The following RBPMS variants were observed in gnomAD, a reference collection of about 807,000 sequenced individuals.
RBPMS encodes RNA binding protein, mRNA processing factor, also known as RNA-binding protein with multiple splicing.
A neutral mutation model predicts 26.8 loss-of-function variants in RBPMS; 7 were observed. The ratio of observed to expected loss-of-function variants is 0.26; its 90% CI spans 0.15 to 0.49. The LOEUF is 0.49. Among genes scored for constraint, RBPMS ranks in the 20% least tolerant of loss-of-function variants. The probability of loss-of-function intolerance (pLI) is 0.98; values close to 1 mark genes in which losing one functional copy is unlikely to be tolerated. For missense variants in RBPMS, 186 were observed against 250.0 expected, an observed-to-expected ratio of 0.74 and a Z score of 1.73; for synonymous variants, 96 against 93.3, an observed-to-expected ratio of 1.03 and a Z score of -0.17.
chr8:30,437,068 G>A (rs1445883191), intron 1 of RBPMS, among the ~76,000 whole-genome samples: 2 of 151,330 alleles, frequency 1.3e-5, no homozygotes, highest in East Asian at 2.0e-4. Context: ...GACTATAGGC[G>A]CCCGCCACCA....
intron 6 of RBPMS, chr8:30,558,677 G>C (rs1262698615): frequency 4.8e-6 from 3 of 626,042 alleles, no homozygotes; most frequent in Non-Finnish European, 8.8e-6. Context: ...TCCTCAGAGA[G>C]CTTGCCTGTG....
chr8:30,434,920 T>C (rs1812293672), intron 1 of RBPMS, among the ~76,000 whole-genome samples: 1 of 152,090 alleles, frequency 6.6e-6, no homozygotes, highest in African/African-American at 2.4e-5. Context: ...CAGGAATTTA[T>C]AATCTGTGAT....
At chr8:30,462,353 ATAC>A (rs1816006357) in intron 1 of RBPMS, among the ~76,000 whole-genome samples, 1 of 152,212 alleles carries the variant, frequency 6.6e-6, no homozygotes. Context: ...AAAATACCAT[ATAC>A]TACAATAAAA....
intron 1 of RBPMS, among the ~76,000 whole-genome samples, chr8:30,466,516 A>T (rs1816507618): frequency 6.6e-6 from 1 of 152,132 alleles, no homozygotes; most frequent in Non-Finnish European, 1.5e-5. Flanking sequence ...GCTGCACTCC[A>T]GCCTGACCAG....
rs992548755 is a variant in RBPMS at position 30,532,065 on chromosome 8, G to T, written c.398-12429G>T. Among the ~76,000 whole-genome samples the T allele has an allele frequency of 1.2e-4, 19 of 152,288 alleles. No homozygotes were observed. In the East Asian group the frequency reaches 2.1e-3, roughly 17 times the overall value. ...TAAAGAAAGTCTTCTGCTCTTAAAT[G>T]AAGAGCATTGTTCTTATTTTAAAAA... On this transcript the variant is annotated intron_variant, in intron 5 of 8. Transcript: ENST00000397323.
intron 6 of RBPMS, among the ~76,000 whole-genome samples, chr8:30,554,266 A>T (rs927823666): frequency 6.6e-6 from 1 of 152,144 alleles, no homozygotes; most frequent in South Asian, 2.1e-4. Flanking sequence ...GAAGCATGCA[A>T]ATGGCACAGC....
intron 1 of RBPMS, among the ~76,000 whole-genome samples, chr8:30,468,093 CTTG>C (rs956957736): frequency 2.0e-5 from 3 of 151,838 alleles, no homozygotes; most frequent in African/African-American, 7.3e-5. Context: ...AATTGTGAAC[CTTG>C]TTCTTTGTCA....
chr8:30,386,694 G>A (rs1807137285), intron 1 of RBPMS, among the ~76,000 whole-genome samples: 1 of 152,068 alleles, frequency 6.6e-6, no homozygotes, highest in African/African-American at 2.4e-5. Flanking sequence ...AATGACAAGT[G>A]TGCTTTTTTA....
intron 6 of RBPMS, chr8:30,549,687 C>T (rs1826139637): frequency 1.2e-6 from 1 of 803,684 alleles, no homozygotes; most frequent in Non-Finnish European, 2.1e-6. Flanking sequence ...TGAGAGTGGG[C>T]TGGGTCTCCT....
chr8:30,389,951 A>G (rs1429939930), intron 1 of RBPMS, among the ~76,000 whole-genome samples: 1 of 152,154 alleles, frequency 6.6e-6, no homozygotes, highest in African/African-American at 2.4e-5. Context: ...TACCTCTTTG[A>G]GCTTCAGTGG....
chr8:30,415,936 T>C (rs1304308070), intron 1 of RBPMS, among the ~76,000 whole-genome samples: 1 of 152,222 alleles, frequency 6.6e-6, no homozygotes, highest in South Asian at 2.1e-4. Context: ...AAAATTACTG[T>C]GTATGGGGCT....
chr8:30,508,378 A>G (rs1056231895), intron 5 of RBPMS, among the ~76,000 whole-genome samples: 5 of 152,198 alleles, frequency 3.3e-5, no homozygotes, highest in African/African-American at 1.2e-4. Flanking sequence ...CTAGACTTAA[A>G]TTCTAGATTT....
intron 1 of RBPMS, among the ~76,000 whole-genome samples, chr8:30,391,358 CA>C: frequency 6.6e-6 from 1 of 152,326 alleles, no homozygotes; most frequent in South Asian, 2.1e-4. Context: ...GTGTGACAGC[CA>C]CTTTGGAATG....
chr8:30,556,511 C>G (rs971450162), intron 6 of RBPMS: 1 of 986,232 alleles, frequency 1.0e-6, no homozygotes, highest in Non-Finnish European at 1.2e-6. Context: ...CAGCCCTCCC[C>G]CTCCTGTGTC....
intron 1 of RBPMS, among the ~76,000 whole-genome samples, chr8:30,433,369 G>A (rs992717481): frequency 6.6e-6 from 1 of 152,192 alleles, no homozygotes; most frequent in African/African-American, 2.4e-5. Context: ...TTTAAGGGGT[G>A]CATTTTCTTT....
chr8:30,568,929 C>G (rs919940288), intron 8 of RBPMS, among the ~76,000 whole-genome samples: 1 of 152,158 alleles, frequency 6.6e-6, no homozygotes, highest in East Asian at 1.9e-4. Context: ...TATGGAAGGC[C>G]CAGAAAACCA....
chr8:30,459,291 T>C (rs1012661076), intron 1 of RBPMS, among the ~76,000 whole-genome samples: 3 of 151,946 alleles, frequency 2.0e-5, no homozygotes, highest in African/African-American at 4.8e-5. Flanking sequence ...GTGGTTTTTT[T>C]TTGTTTTTTG....
intron 6 of RBPMS, chr8:30,547,395 C>T: frequency 1.2e-6 from 2 of 1,607,594 alleles, no homozygotes; most frequent in Non-Finnish European, 1.7e-6. Context: ...CAACCTACTG[C>T]AGACCAGCAG....
chr8:30,532,032 ATTTCT>A (rs770936924), intron 5 of RBPMS, among the ~76,000 whole-genome samples: 1 of 152,150 alleles, frequency 6.6e-6, no homozygotes. Context: ...GGGCTGTGAG[ATTTCT>A]TTTAAAGAAA....
Sources: allele counts gnomAD v4.1 joint callset (sites outside exome capture counted in the v4.1 genomes callset), GRCh38; gene constraint gnomAD v4.1.1; transcripts MANE v1.5; gene names NCBI Gene and HGNC (gene_info 2026-07-23, HGNC 2026-07-21).